ABCB1: variants seen among roughly 807,000 people sequenced by gnomAD.
ABCB1 encodes ATP binding cassette subfamily B member 1, also known as ATP-dependent translocase ABCB1.
Under a neutral mutation model 142.0 loss-of-function variants are expected in ABCB1, and 69 were observed. The ratio of observed to expected loss-of-function variants is 0.49; its 90% CI spans 0.40 to 0.59. ABCB1 has a LOEUF of 0.59. Among genes scored for constraint, ABCB1 ranks in the 20% least tolerant of loss-of-function variants. ABCB1 has a pLI of 0.00. For synonymous variants in ABCB1, 532 were observed against 539.2 expected, an observed-to-expected ratio of 0.99 and a Z score of 0.18; for missense variants, 1,326 against 1,554.7, an observed-to-expected ratio of 0.85 and a Z score of 2.47.
intron 20 of ABCB1, among the ~76,000 whole-genome samples, chr7:87,536,202 A>G (rs1022060765): frequency 6.6e-5 from 10 of 152,210 alleles, no homozygotes; most frequent in African/African-American, 2.4e-4. Flanking sequence ...CTAAATAACT[A>G]TTCTACATGC....
At chr7:87,593,891 C>T (rs1200728375) in intron 3 of ABCB1, among the ~76,000 whole-genome samples, 1 of 152,132 alleles carries the variant, frequency 6.6e-6, no homozygotes, top group Non-Finnish European at 1.5e-5. Flanking sequence ...GCTGATTTTG[C>T]CTTGTATCCT....
At chr7:87,531,601 A>T in intron 20 of ABCB1, 104 bp from the exon 21 acceptor site, 1 of 1,067,790 alleles carries the variant, frequency 9.4e-7, no homozygotes, top group South Asian at 1.4e-5. Context: ...TCATTATTTT[A>T]TCAGTAATGA....
intron 24 of ABCB1, among the ~76,000 whole-genome samples, chr7:87,515,865 G>C (rs1372545839): frequency 6.6e-6 from 1 of 152,046 alleles, no homozygotes; most frequent in Non-Finnish European, 1.5e-5. Flanking sequence ...CCAAAGTGCT[G>C]GGATTACAGG....
chr7:87,641,939 T>C (rs1253168517), intron 1 of ABCB1, among the ~76,000 whole-genome samples: 1 of 152,056 alleles, frequency 6.6e-6, no homozygotes, highest in East Asian at 1.9e-4. Context: ...ATCTCAAAAT[T>C]AATATTAATA....
intron 1 of ABCB1, among the ~76,000 whole-genome samples, chr7:87,690,699 C>T (rs1411935289): frequency 2.0e-5 from 3 of 152,110 alleles, no homozygotes; most frequent in African/African-American, 7.2e-5. Context: ...AGATTATAAG[C>T]AACTCGCCTT....
upstream of ABCB1, among the ~76,000 whole-genome samples, chr7:87,605,690 G>A (rs558927263): frequency 1.3e-5 from 2 of 152,230 alleles, no homozygotes; most frequent in African/African-American, 4.8e-5. Flanking sequence ...CAAAAGACTT[G>A]ATTTCTGTGT....
At position 87,519,452 on chromosome 7, in the gene ABCB1, T is replaced by C. The variant is rs1290803512; in HGVS notation, c.2801A>G (p.Lys934Arg). 1.9e-6 allele frequency: 3 copies of C among 1,614,108 alleles called. No homozygotes were observed. The highest frequency in any genetic ancestry group is 2.7e-5 in the African/African-American group (2 of 75,058). Reference sequence around the variant, plus strand: ...AAATGTAATTCCAAAGATGTGTGCTTTCCTCAAAGAGTTTCTGAAAAGAAG... The same window carrying C: ...AAATGTAATTCCAAAGATGTGTGCTCTCCTCAAAGAGTTTCTGAAAAGAAG... ...LQVPYRNSLR[K>R]AHIFGITFSF... The change falls in exon 23 of 28, where the codon AAA becomes AGA. Residue 934 changes from lysine to arginine, a missense_variant. Coordinates refer to ENST00000622132, the MANE Select transcript of ABCB1 (RefSeq NM_001348946.2).
intron 1 of ABCB1, among the ~76,000 whole-genome samples, chr7:87,608,787 C>T (rs1819749731): frequency 6.6e-6 from 1 of 152,138 alleles, no homozygotes; most frequent in African/African-American, 2.4e-5. Flanking sequence ...TTCTTTAGAA[C>T]ACTTAGTATT....
At chr7:87,568,495 A>G (rs996574007) in intron 5 of ABCB1, among the ~76,000 whole-genome samples, 24 of 152,228 alleles carry the variant, frequency 1.6e-4, no homozygotes, top group Middle Eastern at 3.4e-3. Context: ...AAAATAAAAT[A>G]CAGTATTCCA....
At chr7:87,664,466 A>G (rs184111395) in intron 1 of ABCB1, among the ~76,000 whole-genome samples, 4 of 152,336 alleles carry the variant, frequency 2.6e-5, no homozygotes, top group Admixed American at 2.6e-4. Flanking sequence ...TGGAATAATC[A>G]GGCAAAGACA....
At chr7:87,663,369 G>T (rs76190983) in intron 1 of ABCB1, among the ~76,000 whole-genome samples, 1 of 151,900 alleles carries the variant, frequency 6.6e-6, no homozygotes, top group Admixed American at 6.6e-5. Flanking sequence ...CAGTTCAGCT[G>T]CATTCTTCCC....
At chr7:87,670,816 C>T (rs1563120023) in intron 1 of ABCB1, among the ~76,000 whole-genome samples, 2 of 152,152 alleles carry the variant, frequency 1.3e-5, no homozygotes, top group African/African-American at 4.8e-5. Context: ...AGTTGGTAGA[C>T]TTGTTTGGTT....
At chr7:87,619,583 A>G (rs1820150876) in intron 1 of ABCB1, among the ~76,000 whole-genome samples, 1 of 152,026 alleles carries the variant, frequency 6.6e-6, no homozygotes, top group Non-Finnish European at 1.5e-5. Flanking sequence ...CTGAATGATA[A>G]CCACAACATT....
chr7:87,565,953 C>T (rs1162335219), intron 7 of ABCB1, 117 bp downstream of exon 7: 9 of 1,201,102 alleles, frequency 7.5e-6, no homozygotes, highest in African/African-American at 1.5e-5. Flanking sequence ...GAACAGAAAA[C>T]GTAAAAGTAA....
intron 4 of ABCB1, among the ~76,000 whole-genome samples, chr7:87,579,546 C>T (rs1237715301): frequency 6.6e-6 from 1 of 151,994 alleles, no homozygotes; most frequent in Non-Finnish European, 1.5e-5. Context: ...TCCTTGCATC[C>T]CTGGGATAAA....
At chr7:87,693,990 G>T in intron 1 of ABCB1, 1 of 1,610,554 alleles carries the variant, frequency 6.2e-7, no homozygotes, top group South Asian at 1.1e-5. Context: ...TCCCGCCACT[G>T]AGCTGCACGG....
intron 1 of ABCB1, among the ~76,000 whole-genome samples, chr7:87,638,147 C>T (rs1821999138): frequency 6.6e-6 from 1 of 151,922 alleles, no homozygotes; most frequent in Non-Finnish European, 1.5e-5. Flanking sequence ...TGTTAAACCA[C>T]TCTGGAATAA....
intron 2 of ABCB1, among the ~76,000 whole-genome samples, chr7:87,597,389 T>C (rs1177141536): frequency 1.3e-5 from 2 of 152,128 alleles, no homozygotes; most frequent in African/African-American, 2.4e-5. Flanking sequence ...CAAAGCCATA[T>C]GCTTCTTTAC....
chr7:87,547,839 A>G (rs1466801786), intron 14 of ABCB1, among the ~76,000 whole-genome samples: 1 of 124,464 alleles, frequency 8.0e-6, no homozygotes, highest in African/African-American at 3.2e-5. Flanking sequence ...CGACAGAGCG[A>G]GACTCCATCT....
Sources: gnomAD v4.1 joint callset for allele counts (sites outside exome capture counted in the v4.1 genomes callset) on GRCh38, gnomAD v4.1.1 for gene constraint, MANE v1.5 for transcripts, NCBI Gene and HGNC (gene_info 2026-07-23, HGNC 2026-07-21) for gene names.